Variants in CCDC33 observed in about 807,000 individuals in gnomAD.
CCDC33 encodes coiled-coil domain containing 33.
In CCDC33, 94 loss-of-function variants were observed where a neutral mutation model predicts 91.9. The observed-to-expected ratio is 1.02, with a 90% CI of 0.87 to 1.21. The LOEUF (loss-of-function observed/expected upper bound fraction) is 1.21, where lower values mean the gene tolerates loss of function less well. Ranked by LOEUF, CCDC33 falls within the 50% of genes most tolerant of loss-of-function variation. CCDC33 has a pLI of 0.00. For missense variants in CCDC33, 940 were observed against 935.5 expected, an observed-to-expected ratio of 1.00 and a Z score of -0.06; for synonymous variants, 396 against 374.5, an observed-to-expected ratio of 1.06 and a Z score of -0.66.
intron 5 of CCDC33, among the ~76,000 whole-genome samples, chr15:74,270,255 A>G (rs1406565594): frequency 6.6e-6 from 1 of 152,174 alleles, no homozygotes; most frequent in African/African-American, 2.4e-5. Flanking sequence ...GAAAAGGGAG[A>G]ATGATCCAGA....
chr15:74,253,745 G>A (rs910741684), intron 2 of CCDC33, among the ~76,000 whole-genome samples: 3 of 152,216 alleles, frequency 2.0e-5, no homozygotes, highest in African/African-American at 7.2e-5. Flanking sequence ...GCAATAGAGA[G>A]AGGAAGCAAC....
At chr15:74,235,846 C>A (rs145222723), upstream of CCDC33, among the ~76,000 whole-genome samples, 447 of 152,138 alleles carry the variant, frequency 2.9e-3, 1 homozygote, top group African/African-American at 0.01. Flanking sequence ...ATTAACTGAC[C>A]ACCCAATCTA....
intron 2 of CCDC33, among the ~76,000 whole-genome samples, chr15:74,251,808 A>G (rs113779683): frequency 6.6e-6 from 1 of 152,084 alleles, no homozygotes; most frequent in African/African-American, 2.4e-5. Flanking sequence ...ATGAGCTCTG[A>G]CTCTGGTGAC....
At chr15:74,235,598 G>T (rs990562010), upstream of CCDC33, among the ~76,000 whole-genome samples, 8 of 152,004 alleles carry the variant, frequency 5.3e-5, no homozygotes, top group Non-Finnish European at 1.2e-4. Flanking sequence ...TCTCTATAGA[G>T]CAACCCCCCA....
chr15:74,277,628 C>G (rs1056482019), intron 7 of CCDC33, among the ~76,000 whole-genome samples: 1 of 152,242 alleles, frequency 6.6e-6, no homozygotes, highest in Non-Finnish European at 1.5e-5. Context: ...CACCAGGGCT[C>G]TGGCGTCAGA....
intron 11 of CCDC33, among the ~76,000 whole-genome samples, chr15:74,309,965 T>C (rs1401304907): frequency 6.6e-6 from 1 of 151,476 alleles, no homozygotes; most frequent in Non-Finnish European, 1.5e-5. Context: ...CTAGGTAACA[T>C]AGCGAGATGC....
chr15:74,268,132 A>G (rs1245317909), intron 4 of CCDC33, among the ~76,000 whole-genome samples: 2 of 152,200 alleles, frequency 1.3e-5, no homozygotes, highest in African/African-American at 2.4e-5. Flanking sequence ...GGTCCTTGTG[A>G]GGGTGATGAA....
At chr15:74,262,312 T>A (rs1335438917) in intron 2 of CCDC33, 128 bp from the exon 3 acceptor site, 18 of 1,226,712 alleles carry the variant, frequency 1.5e-5, no homozygotes, top group Non-Finnish European at 1.9e-5. Context: ...CAAGTGTCTA[T>A]GCATGGGACA....
At chr15:74,293,067 CA>C (rs1305317784) in intron 10 of CCDC33, among the ~76,000 whole-genome samples, 1 of 152,200 alleles carries the variant, frequency 6.6e-6, no homozygotes, top group Non-Finnish European at 1.5e-5. Flanking sequence ...TGGGTTATTG[CA>C]TTGACCCATC....
chr15:74,335,675 G>A lies in CCDC33; in HGVS notation c.2140-250G>A, dbSNP rs79518663. 1,352 of 432,418 alleles carry A rather than the reference G, an allele frequency of 3.1e-3. 12 individuals are homozygous for A. The highest frequency in any genetic ancestry group is 0.023 in the African/African-American group (1,169 of 50,784). 26.8% of individuals were successfully genotyped at this position (432,418 alleles called of 1,614,324 possible). ...CCAGAAGCTCAGCAGCGGCTCCTGGGAAAGGCCTGGAAAGGATGAGGGAAC... is the reference window on the plus strand; with the variant it reads ...CCAGAAGCTCAGCAGCGGCTCCTGGAAAAGGCCTGGAAAGGATGAGGGAAC... On this transcript the variant is annotated intron_variant, in intron 18 of 18. Transcript: ENST00000398814.
chr15:74,227,663 A>G (rs967638086), intron 2 of CCDC33, among the ~76,000 whole-genome samples: 1 of 152,222 alleles, frequency 6.6e-6, no homozygotes, highest in Non-Finnish European at 1.5e-5. Flanking sequence ...CTGGCCCATA[A>G]TTAAGGCCTT....
chr15:74,262,606 A>G, intron 3 of CCDC33, 33 bp downstream of exon 3: 4 of 1,598,010 alleles, frequency 2.5e-6, no homozygotes, highest in Non-Finnish European at 3.4e-6. Flanking sequence ...CGGCATGTGC[A>G]GGCAGGGTGT....
intron 11 of CCDC33, chr15:74,301,218 C>G (rs1232520815): frequency 6.6e-6 from 1 of 152,234 alleles, no homozygotes; most frequent in Non-Finnish European, 1.5e-5. Context: ...CGGAGCCAGG[C>G]CATGCCTCCT....
intron 2 of CCDC33, among the ~76,000 whole-genome samples, chr15:74,258,727 A>G (rs1169745609): frequency 1.3e-5 from 2 of 151,766 alleles, no homozygotes; most frequent in African/African-American, 4.8e-5. Context: ...GCTCATGAGC[A>G]CTCTTGCTTT....
intron 2 of CCDC33, among the ~76,000 whole-genome samples, chr15:74,260,448 A>C (rs915755360): frequency 6.6e-6 from 1 of 152,176 alleles, no homozygotes; most frequent in African/African-American, 2.4e-5. Flanking sequence ...CTTCCCCTTC[A>C]TGCTGCCCTC....
intron 5 of CCDC33, among the ~76,000 whole-genome samples, chr15:74,269,890 G>A (rs1294596588): frequency 6.6e-6 from 1 of 152,174 alleles, no homozygotes; most frequent in Admixed American, 6.5e-5. Context: ...TACTTGGGCA[G>A]CTGTCTCATT....
intron 2 of CCDC33, among the ~76,000 whole-genome samples, chr15:74,258,794 C>T (rs1445194722): frequency 2.0e-5 from 3 of 152,136 alleles, no homozygotes; most frequent in African/African-American, 7.2e-5. Flanking sequence ...ACAGCTGCAG[C>T]CCCCGGGAAC....
intron 11 of CCDC33, among the ~76,000 whole-genome samples, chr15:74,307,215 C>T (rs970577918): frequency 2.6e-5 from 4 of 152,146 alleles, no homozygotes; most frequent in African/African-American, 9.7e-5. Context: ...CCAGGAGCGA[C>T]TGGGAGAAAG....
chr15:74,209,232 A>G, intron 1 of CCDC33: 1 of 1,123,942 alleles, frequency 8.9e-7, no homozygotes, highest in South Asian at 1.4e-5. Context: ...CACACCCCCA[A>G]ACCGTTTGCT....
Sources: allele counts gnomAD v4.1 joint callset (sites outside exome capture counted in the v4.1 genomes callset), GRCh38; gene constraint gnomAD v4.1.1; transcripts MANE v1.5; gene names NCBI Gene and HGNC (gene_info 2026-07-23, HGNC 2026-07-21).